The following SPATA1 variants were observed in gnomAD, a reference collection of about 807,000 sequenced individuals.
The protein encoded by SPATA1 is spermatogenesis associated 1.
A neutral mutation model predicts 59.6 loss-of-function variants in SPATA1; 57 were observed. The ratio of observed to expected loss-of-function variants is 0.96; its 90% CI spans 0.77 to 1.19. SPATA1 has a LOEUF of 1.19. SPATA1 is among the 50% of genes most tolerant of loss of function. The pLI, the probability that SPATA1 is intolerant of heterozygous loss-of-function variation, is 0.00. For synonymous variants in SPATA1, 147 were observed against 163.9 expected, an observed-to-expected ratio of 0.90 and a Z score of 0.79; for missense variants, 448 against 480.7, an observed-to-expected ratio of 0.93 and a Z score of 0.64.
intron 4 of SPATA1, 25 bp downstream of exon 4, chr1:84,522,532 T>C: frequency 7.5e-7 from 1 of 1,324,992 alleles, no homozygotes; most frequent in Non-Finnish European, 1.0e-6. Flanking sequence ...TTTTTCTTTC[T>C]GATTGAGAAA....
intron 12 of SPATA1, chr1:84,550,747 T>C (rs1684245909): frequency 9.1e-7 from 1 of 1,094,284 alleles, no homozygotes; most frequent in Non-Finnish European, 1.1e-6. Flanking sequence ...CAAAGTAAAA[T>C]TTAGTAAAAT....
At position 84,525,754 on chromosome 1, in the gene SPATA1, G is replaced by A. The variant is rs746463233; in HGVS notation, c.315+5G>A. 40 of 1,605,990 alleles carry A rather than the reference G, an allele frequency of 2.5e-5. No individual in the cohort carries two copies. The highest frequency in any genetic ancestry group is 8.7e-5 in the Admixed American group (5 of 57,206). On this transcript the variant is annotated splice_donor_5th_base_variant and intron_variant, in intron 5 of 12. Transcript: ENST00000490879. The stretch of plus-strand genomic sequence containing the variant: ...AAATCATTTGCTCCTCCATATGTAT[G>A]TAATGTGACATTTTAAACTTATGCT...
At chr1:84,567,296 T>C (rs1020251724), downstream of SPATA1, among the ~76,000 whole-genome samples, 3 of 152,234 alleles carry the variant, frequency 2.0e-5, no homozygotes, top group Non-Finnish European at 4.4e-5. Context: ...TCCTATTTTA[T>C]CACTGCCTCT....
Position 84,522,329 on chromosome 1 carries a change from T to C in SPATA1, c.144-61T>C, listed in dbSNP as rs147468071. ...GAGATAGCTGACTAAAGTTATTGAA[T>C]CATTAGTATATCCAAAATCTATTTC... On this transcript the variant is annotated intron_variant, in intron 3 of 12. Coordinates refer to ENST00000490879, the Ensembl canonical transcript of SPATA1. 3.9e-3 allele frequency: 3,587 copies of C among 916,950 alleles called. 16 individuals carry two copies. Among genetic ancestry groups the C allele is most frequent in the Non-Finnish European group, 4.7e-3 (3,041 of 645,122 alleles). 56.8% of individuals were successfully genotyped at this position (916,950 alleles called of 1,614,324 possible).
rs527556375 is a variant in SPATA1, at chr1:84,510,092, C to G, written c.-138+3674C>G. Among the ~76,000 whole-genome samples the G allele has an allele frequency of 4.6e-5, 7 of 152,068 alleles. No individual in the cohort carries two copies. The South Asian group carries it at 1.5e-3, about 32-fold the overall frequency. On this transcript the variant is annotated intron_variant, in intron 1 of 12. Transcript: ENST00000490879. Reference sequence around the variant, plus strand: ...GTGGTCCCAGCTACTTGGGAACCTGCAGAGGTCAAGGCTGCAGTGAGCTGT... The same window carrying G: ...GTGGTCCCAGCTACTTGGGAACCTGGAGAGGTCAAGGCTGCAGTGAGCTGT...
intron 1 of SPATA1, among the ~76,000 whole-genome samples, chr1:84,512,075 CA>C (rs1682589525): frequency 6.6e-6 from 1 of 152,124 alleles, no homozygotes; most frequent in Admixed American, 6.5e-5. Flanking sequence ...CCAGATAAAG[CA>C]GAACTCCCAG....
intron 1 of SPATA1, among the ~76,000 whole-genome samples, chr1:84,508,243 C>A (rs184814538): frequency 1.6e-4 from 24 of 151,154 alleles, no homozygotes; most frequent in Admixed American, 1.4e-3. Flanking sequence ...GAGATGGCAC[C>A]ACTGCACTCC....
At chr1:84,558,860 C>T (rs1265438226), downstream of SPATA1, among the ~76,000 whole-genome samples, 2 of 152,002 alleles carry the variant, frequency 1.3e-5, no homozygotes, top group Admixed American at 1.3e-4. Context: ...ATGATTGTGC[C>T]ACTGCACTCC....
downstream of SPATA1, among the ~76,000 whole-genome samples, chr1:84,566,650 G>A (rs544748354): frequency 6.6e-6 from 1 of 152,158 alleles, no homozygotes; most frequent in Admixed American, 6.5e-5. Context: ...CTTTTTTGGG[G>A]GGGATGGAGT....
chr1:84,550,618 T>C (rs1256424048), intron 12 of SPATA1, 88 bp downstream of exon 12: 5 of 1,362,282 alleles, frequency 3.7e-6, no homozygotes, highest in Non-Finnish European at 3.8e-6. Context: ...GTCAATAATA[T>C]AAGGGTAGCC....
At chr1:84,566,635 T>C (rs1404054985), downstream of SPATA1, among the ~76,000 whole-genome samples, 1 of 152,204 alleles carries the variant, frequency 6.6e-6, no homozygotes, top group Non-Finnish European at 1.5e-5. Flanking sequence ...TTGAGTATTA[T>C]CTTTCTTTTT....
rs1684255707 is a variant in SPATA1 at position 84,551,043 on chromosome 1, A to G, written c.1224+513A>G. The G allele has an allele frequency of 4.1e-6, 4 of 985,320 alleles. No individual in the cohort carries two copies. In the South Asian group the frequency reaches 1.9e-4, roughly 46 times the overall value. The allele number at this position is 985,320 out of a possible 1,614,324, so 61.0% of individuals were successfully genotyped here. ...TTGTTTCTCCCATGGGACCTTTTGT[A>G]TAGCAGATGCTTAGTAGAGGCTTCT... On this transcript the variant is annotated intron_variant, in intron 12 of 12. Transcript: ENST00000490879.
At chr1:84,511,679 CTTTTTTTTTT>C (rs1310907189) in intron 1 of SPATA1, among the ~76,000 whole-genome samples, 1 of 67,608 alleles carries the variant, frequency 1.5e-5, no homozygotes, top group Non-Finnish European at 2.9e-5. Context: ...TTCTTTCTTT[CTTTTTTTTTT>C]TTTTTTTTTG....
chr1:84,561,630 A>G lies in SPATA1; in HGVS notation n.443-4231A>G, dbSNP rs1331886978. Among the ~76,000 whole-genome samples, 7 of 152,310 alleles carry G rather than the reference A, an allele frequency of 4.6e-5. No homozygotes were observed. In the East Asian group the frequency reaches 1.3e-3, roughly 29 times the overall value. The stretch of plus-strand genomic sequence containing the variant: ...GAAATCTTTCGTGAAAGGAAGAGTC[A>G]ATTGACGTGGCAAACTTCACTGTTG... On this transcript the variant is annotated intron_variant and non_coding_transcript_variant, in intron 4 of 4. Transcript: ENST00000460286.
intron 8 of SPATA1, among the ~76,000 whole-genome samples, chr1:84,541,996 G>A (rs1003714950): frequency 5.9e-5 from 9 of 151,986 alleles, no homozygotes; most frequent in African/African-American, 2.2e-4. Flanking sequence ...TTGAGATGGA[G>A]TCTCGCTCTC....
chr1:84,529,055 T>G (rs562835713), intron 6 of SPATA1, among the ~76,000 whole-genome samples: 2 of 151,804 alleles, frequency 1.3e-5, no homozygotes, highest in Non-Finnish European at 2.9e-5. Context: ...ACTTTCAGAC[T>G]TTATCCATTT....
intron 2 of SPATA1, 72 bp downstream of exon 2, chr1:84,516,467 GC>G (rs1682797679): frequency 7.9e-6 from 7 of 886,094 alleles, no homozygotes; most frequent in Admixed American, 7.0e-5. Context: ...TTTTATAAAA[GC>G]AAAAACATAG....
downstream of SPATA1, chr1:84,555,334 T>G: frequency 1.7e-6 from 1 of 601,938 alleles, no homozygotes; most frequent in Non-Finnish European, 2.7e-6. Context: ...TCAAAAAGGA[T>G]ACAATGAAAT....
intron 4 of SPATA1, among the ~76,000 whole-genome samples, chr1:84,559,818 C>T (rs561971103): frequency 1.3e-5 from 2 of 152,218 alleles, no homozygotes; most frequent in African/African-American, 4.8e-5. Flanking sequence ...GGTGCAGTGG[C>T]CCATGCGTGT....
Sources: gnomAD v4.1 joint callset for allele counts (sites outside exome capture counted in the v4.1 genomes callset) on GRCh38, gnomAD v4.1.1 for gene constraint, MANE v1.5 for transcripts, NCBI Gene and HGNC (gene_info 2026-07-23, HGNC 2026-07-21) for gene names.